Variants in CSMD1 observed in about 807,000 individuals in gnomAD.
The protein encoded by CSMD1 is CUB and Sushi multiple domains 1.
CSMD1 carries 213 observed loss-of-function variants against 417.5 expected under a neutral mutation model. That is an observed-to-expected ratio of 0.51 (90% CI 0.46 to 0.57). The LOEUF is 0.57. Among genes scored for constraint, CSMD1 ranks in the 20% least tolerant of loss-of-function variants. CSMD1 has a pLI of 0.00. For synonymous variants in CSMD1, 2,862 were observed against 1,736.8 expected, an observed-to-expected ratio of 1.65 and a Z score of -16.11; for missense variants, 6,923 against 4,529.7, an observed-to-expected ratio of 1.53 and a Z score of -15.17.
intron 3 of CSMD1, among the ~76,000 whole-genome samples, chr8:4,355,338 C>CAA (rs772082040): frequency 6.6e-6 from 1 of 151,016 alleles, no homozygotes. Flanking sequence ...CACACACACA[C>CAA]GTATATATGA....
intron 1 of CSMD1, among the ~76,000 whole-genome samples, chr8:4,661,953 G>A (rs1351930971): frequency 2.0e-5 from 3 of 152,072 alleles, no homozygotes; most frequent in African/African-American, 7.2e-5. Context: ...TTTCTACATA[G>A]TTACAGAGTT....
At chr8:4,564,198 C>A (rs771199430) in intron 2 of CSMD1, among the ~76,000 whole-genome samples, 1 of 152,192 alleles carries the variant, frequency 6.6e-6, no homozygotes, top group Non-Finnish European at 1.5e-5. Flanking sequence ...AAATATTTTT[C>A]TTCACTTCCT....
At chr8:4,376,370 TGTGA>T (rs1163049415) in intron 3 of CSMD1, among the ~76,000 whole-genome samples, 2 of 152,218 alleles carry the variant, frequency 1.3e-5, no homozygotes, top group Non-Finnish European at 2.9e-5. Flanking sequence ...AAATACTTAC[TGTGA>T]GTAACCATAT....
At chr8:3,207,125 C>T (rs1018369386) in intron 30 of CSMD1, among the ~76,000 whole-genome samples, 1 of 149,442 alleles carries the variant, frequency 6.7e-6, no homozygotes, top group Non-Finnish European at 1.5e-5. Flanking sequence ...CTTGATATGG[C>T]CATTTTCTTT....
chr8:3,633,503 A>T (rs1030597262), intron 7 of CSMD1, among the ~76,000 whole-genome samples: 1 of 152,210 alleles, frequency 6.6e-6, no homozygotes, highest in Non-Finnish European at 1.5e-5. Context: ...TCAAATACAG[A>T]TGCAATGGCA....
intron 5 of CSMD1, among the ~76,000 whole-genome samples, chr8:3,756,980 T>C (rs1346847628): frequency 2.0e-5 from 3 of 152,142 alleles, no homozygotes; most frequent in East Asian, 3.9e-4. Flanking sequence ...TTTTAATTTT[T>C]TGTAGAGACT....
intron 3 of CSMD1, among the ~76,000 whole-genome samples, chr8:4,141,635 T>A (rs1213574214): frequency 7.1e-6 from 1 of 139,992 alleles, no homozygotes. Flanking sequence ...TTCACCCTAA[T>A]TCACAAGTTT....
At chr8:3,751,322 G>GTATA (rs1310094403) in intron 6 of CSMD1, among the ~76,000 whole-genome samples, 2 of 145,958 alleles carry the variant, frequency 1.4e-5, no homozygotes, top group East Asian at 4.0e-4. Context: ...GTGTGTGTGT[G>GTATA]TGTGTATATA....
intron 52 of CSMD1, among the ~76,000 whole-genome samples, chr8:3,014,226 T>C (rs865830371): frequency 1.3e-5 from 2 of 151,600 alleles, no homozygotes; most frequent in African/African-American, 2.4e-5. Context: ...ATAGTACTTA[T>C]GAATATCCAT....
chr8:4,210,695 T>G (rs961705228), intron 3 of CSMD1, among the ~76,000 whole-genome samples: 1 of 152,238 alleles, frequency 6.6e-6, no homozygotes. Flanking sequence ...CACTTCATTT[T>G]GCTCATTTAA....
At chr8:4,476,859 A>T (rs969150753) in intron 2 of CSMD1, among the ~76,000 whole-genome samples, 2 of 152,220 alleles carry the variant, frequency 1.3e-5, no homozygotes, top group African/African-American at 4.8e-5. Flanking sequence ...AGCTTCAGTC[A>T]AAACATAAAC....
intron 3 of CSMD1, among the ~76,000 whole-genome samples, chr8:4,179,579 G>T (rs1798242175): frequency 6.6e-6 from 1 of 151,308 alleles, no homozygotes; most frequent in Non-Finnish European, 1.5e-5. Flanking sequence ...TTGACAAATG[G>T]AATCTAATTA....
chr8:4,269,260 T>A (rs528902352), intron 3 of CSMD1, among the ~76,000 whole-genome samples: 1 of 152,266 alleles, frequency 6.6e-6, no homozygotes, highest in African/African-American at 2.4e-5. Flanking sequence ...TTTCACCATG[T>A]TGCCCAGGCT....
At chr8:4,291,643 C>A (rs1797372526) in intron 3 of CSMD1, among the ~76,000 whole-genome samples, 1 of 152,064 alleles carries the variant, frequency 6.6e-6, no homozygotes, top group Non-Finnish European at 1.5e-5. Flanking sequence ...ATTATAGCCG[C>A]AATATGGAGA....
At chr8:4,257,842 G>C (rs908743696) in intron 3 of CSMD1, among the ~76,000 whole-genome samples, 1 of 152,208 alleles carries the variant, frequency 6.6e-6, no homozygotes, top group African/African-American at 2.4e-5. Flanking sequence ...CAGAAAGTAA[G>C]CAGTCATTAT....
chr8:4,728,019 A>T (rs1001617860), intron 1 of CSMD1, among the ~76,000 whole-genome samples: 10 of 144,944 alleles, frequency 6.9e-5, no homozygotes, highest in African/African-American at 2.5e-4. Context: ...AAATATATAT[A>T]TATTTTTTCT....
chr8:3,883,993 T>G (rs1350693033), intron 5 of CSMD1, among the ~76,000 whole-genome samples: 2 of 152,298 alleles, frequency 1.3e-5, no homozygotes, highest in African/African-American at 2.4e-5. Context: ...ACAGACACAT[T>G]TGAAGGTCAG....
At chr8:3,305,667 TTAACTTACTAAG>T (rs1335113471) in intron 25 of CSMD1, among the ~76,000 whole-genome samples, 2 of 152,206 alleles carry the variant, frequency 1.3e-5, no homozygotes, top group East Asian at 3.9e-4. Flanking sequence ...ACTAAACTTC[TTAACTTACTAAG>T]TCTGTAATAT....
intron 50 of CSMD1, among the ~76,000 whole-genome samples, chr8:3,044,885 A>G (rs1168390617): frequency 6.6e-6 from 1 of 152,226 alleles, no homozygotes; most frequent in African/African-American, 2.4e-5. Flanking sequence ...ATACCATCAT[A>G]TCATACAAAG....
Sources: gnomAD v4.1 joint callset for allele counts (sites outside exome capture counted in the v4.1 genomes callset) on GRCh38, gnomAD v4.1.1 for gene constraint, MANE v1.5 for transcripts, NCBI Gene and HGNC (gene_info 2026-07-23, HGNC 2026-07-21) for gene names.